BICD1: variants seen among roughly 807,000 people sequenced by gnomAD.
BICD1 encodes BICD cargo adaptor 1.
In BICD1, 35 loss-of-function variants were observed where a neutral mutation model predicts 92.5. The observed-to-expected ratio is 0.38, with a 90% CI of 0.29 to 0.50. The LOEUF is 0.50. Among genes scored for constraint, BICD1 ranks in the 20% least tolerant of loss-of-function variants. BICD1 has a pLI of 0.93. For missense variants in BICD1, 950 were observed against 1,189.8 expected (o/e 0.80, Z 2.97); for synonymous variants, 429 against 465.1 (o/e 0.92, Z 1.00).
In BICD1 at chr12:32,147,099, C is replaced by T. The variant is rs546463868; in HGVS notation, c.213+39555C>T. The stretch of plus-strand genomic sequence containing the variant: ...AAGACCATAGGTGTGAGCCACCATG[C>T]CCAGCTAATGTTTTAATTTTTGTAG... On this transcript the variant is annotated intron_variant, in intron 1 of 9. Coordinates refer to ENST00000652176, the MANE Select transcript of BICD1 (RefSeq NM_001714.4). Among the ~76,000 whole-genome samples the T allele has an allele frequency of 5.9e-5, 9 of 152,058 alleles. No homozygotes were observed. The East Asian group carries it at 1.5e-3, about 26-fold the overall frequency.
rs1019077220 is a variant in BICD1 at position 32,339,324 on chromosome 12, G to C, written c.2764+345G>C. The C allele has an allele frequency of 2.1e-5, 21 of 1,015,882 alleles. No individual in the cohort carries two copies. The African/African-American group carries it at 3.6e-4, about 17-fold the overall frequency. 62.9% of individuals were successfully genotyped at this position (1,015,882 alleles called of 1,614,324 possible). On this transcript the variant is annotated intron_variant, in intron 8 of 9. Transcript: ENST00000652176. ...ATTCCATCTTGGTCAGATTTGGCCA[G>C]TTCTCTCTTATCGTTTTTAATGTAA...
intron 2 of BICD1, among the ~76,000 whole-genome samples, chr12:32,235,005 A>G (rs1195638226): frequency 6.6e-6 from 1 of 152,166 alleles, no homozygotes; most frequent in Non-Finnish European, 1.5e-5. Flanking sequence ...GTCTGAGGCT[A>G]TCACAATATA....
intron 1 of BICD1, among the ~76,000 whole-genome samples, chr12:32,149,693 A>G (rs748061965): frequency 2.4e-4 from 37 of 152,296 alleles, no homozygotes; most frequent in Non-Finnish European, 4.6e-4. Flanking sequence ...AGAGTAACTG[A>G]CAGTTCTGGA....
chr12:32,177,719 A>G (rs922583963), intron 1 of BICD1, among the ~76,000 whole-genome samples: 1 of 137,522 alleles, frequency 7.3e-6, no homozygotes, highest in Non-Finnish European at 1.6e-5. Context: ...GTATAAATAT[A>G]TAAATATATT....
At chr12:32,324,369 A>C (rs916648883) in intron 4 of BICD1, among the ~76,000 whole-genome samples, 3 of 151,682 alleles carry the variant, frequency 2.0e-5, no homozygotes, top group African/African-American at 7.3e-5. Flanking sequence ...AAAAACAAAA[A>C]AAAAAACTTA....
chr12:32,187,140 C>T lies in BICD1; in HGVS notation c.214-29107C>T, dbSNP rs193201031. On this transcript the variant is annotated intron_variant, in intron 1 of 9. Coordinates refer to ENST00000652176, the MANE Select transcript of BICD1 (RefSeq NM_001714.4). ...TTCTTGTGAAGTATTAAAACTGAGC[C>T]CACCCATGTCAATATAACTTAACTC... 2.3e-3 allele frequency among the ~76,000 whole-genome samples: 346 copies of T among 152,232 alleles called. 3 individuals are homozygous for T. The highest frequency in any genetic ancestry group is 7.8e-3 in the African/African-American group (325 of 41,538).
chr12:32,197,915 A>G (rs2121548660), intron 1 of BICD1, among the ~76,000 whole-genome samples: 1 of 152,264 alleles, frequency 6.6e-6, no homozygotes, highest in African/African-American at 2.4e-5. Context: ...ATAGTAAAAA[A>G]AAAAAAATTG....
In BICD1 at chr12:32,259,210, A is replaced by G. The variant is rs369409750; in HGVS notation, c.427-34784A>G. Among the ~76,000 whole-genome samples the G allele has an allele frequency of 4.6e-5, 7 of 152,364 alleles. No homozygotes were observed. In the East Asian group the frequency reaches 1.4e-3, roughly 29 times the overall value. On this transcript the variant is annotated intron_variant, in intron 2 of 9. Transcript: ENST00000652176. ...TAGTAACACAACAAAGAGTAATATT[A>G]AAAGTTAATGATTAATAATGTCCAC...
chr12:32,321,929 G>C (rs1000091933), intron 4 of BICD1, among the ~76,000 whole-genome samples: 1 of 151,896 alleles, frequency 6.6e-6, no homozygotes, highest in African/African-American at 2.4e-5. Flanking sequence ...AACCTAGAAG[G>C]CGGAGGTTGC....
chr12:32,340,028 T>C (rs1013240008), intron 8 of BICD1: 2 of 932,134 alleles, frequency 2.1e-6, no homozygotes, highest in African/African-American at 3.6e-5. Context: ...CAGCCTGCTA[T>C]CCTCATTTCT....
intron 2 of BICD1, among the ~76,000 whole-genome samples, chr12:32,224,858 C>T (rs1307350875): frequency 6.6e-6 from 1 of 152,248 alleles, no homozygotes; most frequent in Middle Eastern, 3.4e-3. Context: ...TGCACCACTA[C>T]ACTTGGCTAA....
In BICD1 at chr12:32,151,445, CACTT is replaced by C. The variant is rs1327026393; in HGVS notation, c.213+43904_213+43907del. Among the ~76,000 whole-genome samples, 7 of 152,328 alleles carry C rather than the reference CACTT, an allele frequency of 4.6e-5. No individual in the cohort carries two copies. The East Asian group carries it at 1.2e-3, about 25-fold the overall frequency. The stretch of plus-strand genomic sequence containing the variant: ...GATTATGGTACAGCTTTGGCTAAAT[CACTT>C]ACATTTTTCATTCTTATTAATTTGG... On this transcript the variant is annotated intron_variant, in intron 1 of 9. Coordinates refer to ENST00000652176, the MANE Select transcript of BICD1 (RefSeq NM_001714.4).
At chr12:32,191,391 G>A (rs950903898) in intron 1 of BICD1, among the ~76,000 whole-genome samples, 1 of 151,684 alleles carries the variant, frequency 6.6e-6, no homozygotes, top group Admixed American at 6.6e-5. Flanking sequence ...GCATACCTTG[G>A]TTTATTGCAC....
At chr12:32,312,328 G>A (rs1042790099) in intron 4 of BICD1, among the ~76,000 whole-genome samples, 4 of 152,192 alleles carry the variant, frequency 2.6e-5, no homozygotes, top group African/African-American at 9.7e-5. Context: ...GGAGTTGTTT[G>A]CATACAACCT....
chr12:32,230,179 G>A (rs1945834545), intron 2 of BICD1, among the ~76,000 whole-genome samples: 1 of 152,084 alleles, frequency 6.6e-6, no homozygotes, highest in South Asian at 2.1e-4. Context: ...AATCACCTGG[G>A]AGAGTGAACC....
intron 9 of BICD1, among the ~76,000 whole-genome samples, chr12:32,372,851 T>G (rs2136339292): frequency 6.6e-6 from 1 of 152,302 alleles, no homozygotes; most frequent in East Asian, 1.9e-4. Flanking sequence ...CGCTCCGGCC[T>G]GGGTGGCAGA....
intron 2 of BICD1, among the ~76,000 whole-genome samples, chr12:32,245,757 A>C (rs1316239604): frequency 1.3e-5 from 2 of 152,158 alleles, no homozygotes; most frequent in Non-Finnish European, 2.9e-5. Flanking sequence ...TAAGCTGGGC[A>C]CGGTGGCTCA....
chr12:32,176,595 A>T (rs148312424), intron 1 of BICD1, among the ~76,000 whole-genome samples: 1 of 152,234 alleles, frequency 6.6e-6, no homozygotes, highest in East Asian at 1.9e-4. Flanking sequence ...TCATTCTATC[A>T]TACTGTTTTG....
chr12:32,143,461 T>G (rs2668304), intron 1 of BICD1, among the ~76,000 whole-genome samples: 44,936 of 151,984 alleles, frequency 0.3, 6,993 homozygotes, highest in African/African-American at 0.39. Flanking sequence ...TAACATTTTT[T>G]TTTGTGTGTG....
Sources: gnomAD v4.1 joint callset for allele counts (sites outside exome capture counted in the v4.1 genomes callset) on GRCh38, gnomAD v4.1.1 for gene constraint, MANE v1.5 for transcripts, NCBI Gene and HGNC (gene_info 2026-07-23, HGNC 2026-07-21) for gene names.